Variants in CDC42SE2 observed in about 807,000 individuals in gnomAD.
CDC42SE2 encodes CDC42 small effector 2.
CDC42SE2 carries 3 observed loss-of-function variants against 11.5 expected under a neutral mutation model. The observed-to-expected ratio is 0.26, with a 90% CI of 0.12 to 0.67. The LOEUF is 0.67. CDC42SE2 is among the 30% of genes least tolerant of loss of function. CDC42SE2 has a pLI of 0.80. For synonymous variants in CDC42SE2, 33 were observed against 34.8 expected, an observed-to-expected ratio of 0.95 and a Z score of 0.18; for missense variants, 82 against 106.8, an observed-to-expected ratio of 0.77 and a Z score of 1.02.
chr5:131,282,687 G>A (rs1757260793), intron 1 of CDC42SE2, among the ~76,000 whole-genome samples: 1 of 152,070 alleles, frequency 6.6e-6, no homozygotes, highest in Non-Finnish European at 1.5e-5. Flanking sequence ...GGAGTGCAGT[G>A]GCGCGATCTC....
chr5:131,270,750 G>T (rs1756977209), intron 1 of CDC42SE2, among the ~76,000 whole-genome samples: 1 of 152,170 alleles, frequency 6.6e-6, no homozygotes, highest in Admixed American at 6.6e-5. Context: ...TCATTAAAAG[G>T]TACAGTATAG....
intron 1 of CDC42SE2, among the ~76,000 whole-genome samples, chr5:131,269,861 G>A (rs1024270520): frequency 1.1e-4 from 16 of 151,056 alleles, no homozygotes; most frequent in Admixed American, 9.3e-4. Flanking sequence ...GGGAATTTGA[G>A]ACCAACCTGG....
chr5:131,308,179 C>A (rs1757819839), intron 1 of CDC42SE2, among the ~76,000 whole-genome samples: 1 of 152,136 alleles, frequency 6.6e-6, no homozygotes, highest in South Asian at 2.1e-4. Flanking sequence ...CCAGTTTTCC[C>A]AGCACCATTT....
intron 3 of CDC42SE2, among the ~76,000 whole-genome samples, chr5:131,381,940 C>G (rs1413268206): frequency 6.6e-6 from 1 of 152,158 alleles, no homozygotes; most frequent in Non-Finnish European, 1.5e-5. Context: ...CTTTACTATG[C>G]TCGCACAACA....
At chr5:131,220,787 C>A in the CDC42SE2 span, among the ~76,000 whole-genome samples, 35 of 151,694 alleles carry the variant, frequency 2.3e-4, no homozygotes, top group African/African-American at 8.2e-4. Flanking sequence ...GTAGAATGTG[C>A]GTGTGTCTAT....
intron 1 of CDC42SE2, chr5:131,255,066 C>T (rs1258703230): frequency 2.6e-5 from 4 of 151,914 alleles, no homozygotes; most frequent in African/African-American, 4.8e-5. Flanking sequence ...TTATAATTAT[C>T]GCTTATCATT....
chr5:131,274,189 A>C (rs1172903964), intron 1 of CDC42SE2, among the ~76,000 whole-genome samples: 1 of 152,202 alleles, frequency 6.6e-6, no homozygotes, highest in African/African-American at 2.4e-5. Flanking sequence ...TAGGCATCCC[A>C]GATTTAATGT....
At chr5:131,227,174 G>T in the CDC42SE2 span, among the ~76,000 whole-genome samples, 1,632 of 151,920 alleles carry the variant, frequency 0.011, 33 homozygotes, top group African/African-American at 0.037. Flanking sequence ...CAAAGTGGGA[G>T]GATCGCTTGA....
At chr5:131,306,273 G>GTATA (rs1244882798) in intron 1 of CDC42SE2, among the ~76,000 whole-genome samples, 4 of 152,138 alleles carry the variant, frequency 2.6e-5, no homozygotes, top group Non-Finnish European at 5.9e-5. Context: ...AATAAACATA[G>GTATA]TATATCTAGG....
chr5:131,390,910 A>G, intron 4 of CDC42SE2, 83 bp from the exon 5 acceptor site: 1 of 523,154 alleles, frequency 1.9e-6, no homozygotes. Context: ...CCCAAATAAA[A>G]TTCTGGGAAA....
intron 2 of CDC42SE2, among the ~76,000 whole-genome samples, chr5:131,344,935 T>G (rs1283127697): frequency 2.6e-5 from 4 of 152,038 alleles, no homozygotes; most frequent in Non-Finnish European, 4.4e-5. Context: ...CAGCTGAGGG[T>G]CCTGACTGTT....
chr5:131,228,857 C>T, the CDC42SE2 span, among the ~76,000 whole-genome samples: 1 of 152,222 alleles, frequency 6.6e-6, no homozygotes, highest in Non-Finnish European at 1.5e-5. Context: ...AAGAAGGCAG[C>T]TGTCTGCAAG....
chr5:131,351,583 A>G (rs1192949204), intron 2 of CDC42SE2, among the ~76,000 whole-genome samples: 2 of 152,256 alleles, frequency 1.3e-5, no homozygotes, highest in Admixed American at 1.3e-4. Context: ...AAGGTGCTAA[A>G]TTAATCTGAT....
At chr5:131,260,216 T>C (rs1465945927), upstream of CDC42SE2, among the ~76,000 whole-genome samples, 1 of 152,206 alleles carries the variant, frequency 6.6e-6, no homozygotes, top group Non-Finnish European at 1.5e-5. Flanking sequence ...TAGAGTCACC[T>C]AACTAATTAT....
At chr5:131,234,538 AG>A in the CDC42SE2 span, among the ~76,000 whole-genome samples, 2 of 151,758 alleles carry the variant, frequency 1.3e-5, no homozygotes, top group Non-Finnish European at 2.9e-5. Context: ...CGGGAGGCTG[AG>A]GCAGGAGAAT....
At chr5:131,217,652 T>C in the CDC42SE2 span, among the ~76,000 whole-genome samples, 1,586 of 152,284 alleles carry the variant, frequency 0.01, 29 homozygotes, top group African/African-American at 0.036. Flanking sequence ...TCTTCATGAC[T>C]TTGGGGTAGG....
At chr5:131,225,264 G>A in the CDC42SE2 span, among the ~76,000 whole-genome samples, 3 of 152,190 alleles carry the variant, frequency 2.0e-5, no homozygotes, top group Admixed American at 6.5e-5. Context: ...GTCTAGAGTG[G>A]TACAGTTATT....
At chr5:131,264,926 A>T (rs1756825084) in intron 1 of CDC42SE2, among the ~76,000 whole-genome samples, 1 of 152,156 alleles carries the variant, frequency 6.6e-6, no homozygotes, top group Admixed American at 6.5e-5. Flanking sequence ...TTTTAGGGGA[A>T]TTTTGGGGGG....
chr5:131,221,744 T>C, the CDC42SE2 span, among the ~76,000 whole-genome samples: 4 of 152,250 alleles, frequency 2.6e-5, no homozygotes, highest in African/African-American at 4.8e-5. Context: ...ATTTTTTTTC[T>C]CCTCAACAAA....
Sources: gnomAD v4.1 joint callset for allele counts (sites outside exome capture counted in the v4.1 genomes callset) on GRCh38, gnomAD v4.1.1 for gene constraint, MANE v1.5 for transcripts, NCBI Gene and HGNC (gene_info 2026-07-23, HGNC 2026-07-21) for gene names.